Variants in KCNQ5 observed in about 807,000 individuals in gnomAD.
The protein encoded by KCNQ5 is potassium voltage-gated channel subfamily KQT member 5.
KCNQ5 carries 30 observed loss-of-function variants against 98.2 expected under a neutral mutation model. The ratio of observed to expected loss-of-function variants is 0.31; its 90% CI spans 0.23 to 0.41. The LOEUF is 0.41. KCNQ5 is among the 10% of genes least tolerant of loss of function. KCNQ5 has a pLI of 1.00. For missense variants in KCNQ5, 835 were observed against 1,182.5 expected (o/e 0.71, Z 4.31); for synonymous variants, 458 against 449.4 (o/e 1.02, Z -0.24).
chr6:72,623,391 A>AGTGTGTGTGT (rs1214797915), intron 1 of KCNQ5, among the ~76,000 whole-genome samples: 16,971 of 142,954 alleles, frequency 0.12, 1,077 homozygotes, highest in East Asian at 0.2. Context: ...GGAGTCAAAG[A>AGTGTGTGTGT]GTGTGTGTGT....
intron 1 of KCNQ5, among the ~76,000 whole-genome samples, chr6:72,919,764 C>G (rs1404404416): frequency 6.6e-6 from 1 of 152,162 alleles, no homozygotes; most frequent in Non-Finnish European, 1.5e-5. Flanking sequence ...AAGTATCAAC[C>G]AATGTTGAAG....
chr6:72,654,900 A>G (rs1173952447), intron 1 of KCNQ5, among the ~76,000 whole-genome samples: 5 of 152,126 alleles, frequency 3.3e-5, no homozygotes, highest in African/African-American at 9.6e-5. Context: ...GTAATTAAGT[A>G]TGCTTGAACA....
chr6:72,668,861 G>A (rs1766956519), intron 1 of KCNQ5, among the ~76,000 whole-genome samples: 1 of 151,764 alleles, frequency 6.6e-6, no homozygotes, highest in African/African-American at 2.4e-5. Flanking sequence ...AGCCTTCTTA[G>A]AAGGACATTA....
chr6:72,898,021 G>A (rs1045372445), intron 1 of KCNQ5, among the ~76,000 whole-genome samples: 1 of 152,168 alleles, frequency 6.6e-6, no homozygotes, highest in African/African-American at 2.4e-5. Flanking sequence ...CATGACAGAT[G>A]TAGAACTTCA....
chr6:72,961,086 A>G (rs1203956709), intron 1 of KCNQ5, among the ~76,000 whole-genome samples: 1 of 152,236 alleles, frequency 6.6e-6, no homozygotes, highest in East Asian at 1.9e-4. Flanking sequence ...CCTGGGCAAC[A>G]TAGTGAGACC....
intron 13 of KCNQ5, among the ~76,000 whole-genome samples, chr6:73,193,049 C>G (rs1298902388): frequency 2.4e-5 from 3 of 126,558 alleles, no homozygotes; most frequent in African/African-American, 9.2e-5. Context: ...GAGACAGAGT[C>G]TCACTCTATT....
At chr6:73,116,002 T>G (rs1775474590) in intron 7 of KCNQ5, among the ~76,000 whole-genome samples, 1 of 152,212 alleles carries the variant, frequency 6.6e-6, no homozygotes, top group African/African-American at 2.4e-5. Context: ...GATTTCATGA[T>G]GCATTTGACC....
Position 72,997,557 on chromosome 6 carries a change from C to G in KCNQ5, c.399-6351C>G, listed in dbSNP as rs181534925. Among the ~76,000 whole-genome samples the G allele has an allele frequency of 1.4e-3, 210 of 150,576 alleles. 1 individual carries two copies. The highest frequency in any genetic ancestry group is 5.0e-3 in the African/African-American group (205 of 40,940). On this transcript the variant is annotated intron_variant, in intron 1 of 13. Transcript: ENST00000370398. Reference sequence around the variant, plus strand: ...TTGGGAGGTAGAGGCGGGCGGATCACGAGGTCAGAAGATCGAGACCATCCT... The same window carrying G: ...TTGGGAGGTAGAGGCGGGCGGATCAGGAGGTCAGAAGATCGAGACCATCCT...
intron 1 of KCNQ5, among the ~76,000 whole-genome samples, chr6:72,748,035 C>T (rs183959858): frequency 5.3e-5 from 8 of 152,110 alleles, no homozygotes; most frequent in East Asian, 1.9e-4. Context: ...TATACATCTC[C>T]GAAAAGTGTA....
At chr6:72,982,817 G>T (rs749324978) in intron 1 of KCNQ5, among the ~76,000 whole-genome samples, 2 of 152,152 alleles carry the variant, frequency 1.3e-5, no homozygotes, top group Non-Finnish European at 2.9e-5. Context: ...ACCGGTTGTT[G>T]CTTTCCATGT....
chr6:72,764,671 A>G (rs1215497038), intron 1 of KCNQ5, among the ~76,000 whole-genome samples: 1 of 151,956 alleles, frequency 6.6e-6, no homozygotes, highest in Non-Finnish European at 1.5e-5. Context: ...TATTTACTAT[A>G]GTCATCCTTT....
intron 7 of KCNQ5, among the ~76,000 whole-genome samples, chr6:73,114,288 C>T (rs1264463883): frequency 1.3e-5 from 2 of 152,170 alleles, no homozygotes; most frequent in Admixed American, 1.3e-4. Context: ...GCTGAACACA[C>T]AAACCATCAA....
At position 72,807,952 on chromosome 6, in the gene KCNQ5, T is replaced by C. The variant is rs139439784; in HGVS notation, c.398+185365T>C. 1.9e-3 allele frequency among the ~76,000 whole-genome samples: 292 copies of C among 152,244 alleles called. 3 individuals are homozygous for C. Among genetic ancestry groups the C allele is most frequent in the Admixed American group, 0.013 (200 of 15,274 alleles). ...TAACTGGAAGTCCAGTATGGCTATGTTATAGAAAGGGAAGTGAGAAGAAAG... is the reference window on the plus strand; with the variant it reads ...TAACTGGAAGTCCAGTATGGCTATGCTATAGAAAGGGAAGTGAGAAGAAAG... On this transcript the variant is annotated intron_variant, in intron 1 of 13. Transcript: ENST00000370398.
intron 1 of KCNQ5, among the ~76,000 whole-genome samples, chr6:72,886,220 C>A (rs1397644329): frequency 6.6e-6 from 1 of 152,086 alleles, no homozygotes; most frequent in Non-Finnish European, 1.5e-5. Context: ...AAGAGCATTC[C>A]ATAAATATGA....
chr6:72,878,042 A>G (rs113623955), intron 1 of KCNQ5, among the ~76,000 whole-genome samples: 42,827 of 152,164 alleles, frequency 0.28, 6,169 homozygotes, highest in Non-Finnish European at 0.29. Flanking sequence ...AGGCCGAGGC[A>G]GGTGGATGAC....
intron 2 of KCNQ5, among the ~76,000 whole-genome samples, chr6:73,024,013 T>A (rs1770740088): frequency 6.6e-6 from 1 of 152,190 alleles, no homozygotes; most frequent in Admixed American, 6.5e-5. Context: ...TAAATATCAT[T>A]GTTTGCAGGA....
intron 3 of KCNQ5, among the ~76,000 whole-genome samples, chr6:73,061,393 T>A (rs1158409188): frequency 6.6e-6 from 1 of 152,202 alleles, no homozygotes; most frequent in Non-Finnish European, 1.5e-5. Flanking sequence ...ATTCAAAAAC[T>A]AAATTAAAAG....
At chr6:73,055,046 A>G (rs1019694251) in intron 3 of KCNQ5, 2 of 587,526 alleles carry the variant, frequency 3.4e-6, no homozygotes, top group Non-Finnish European at 6.3e-6. Context: ...TGCACCAACA[A>G]CATCCAAGCT....
chr6:73,168,874 A>G (rs1777902161), intron 10 of KCNQ5, among the ~76,000 whole-genome samples: 1 of 152,180 alleles, frequency 6.6e-6, no homozygotes, highest in Non-Finnish European at 1.5e-5. Context: ...ATATGCAGAG[A>G]GTTTTTTTCT....
Sources: gnomAD v4.1 joint callset for allele counts (sites outside exome capture counted in the v4.1 genomes callset) on GRCh38, gnomAD v4.1.1 for gene constraint, MANE v1.5 for transcripts, NCBI Gene and HGNC (gene_info 2026-07-23, HGNC 2026-07-21) for gene names.